Variants in LARGE1 observed in about 807,000 individuals in gnomAD.
LARGE1 encodes xylosyl- and glucuronyltransferase LARGE1.
LARGE1 carries 43 observed loss-of-function variants against 87.6 expected under a neutral mutation model. The observed-to-expected ratio is 0.49, with a 90% CI of 0.38 to 0.63. The LOEUF is 0.63. LARGE1 is among the 30% of genes least tolerant of loss of function. The pLI, the probability that LARGE1 is intolerant of heterozygous loss-of-function variation, is 0.00. For synonymous variants in LARGE1, 434 were observed against 394.6 expected (o/e 1.10, Z -1.18); for missense variants, 802 against 1,000.2 (o/e 0.80, Z 2.67).
At chr22:33,890,005 A>AT (rs1488350970) in intron 1 of LARGE1, among the ~76,000 whole-genome samples, 2 of 152,148 alleles carry the variant, frequency 1.3e-5, no homozygotes, top group African/African-American at 2.4e-5. Context: ...TCTGCCCCCC[A>AT]TAAGTGGGGA....
At chr22:33,568,615 A>G (rs2078098867) in intron 5 of LARGE1, among the ~76,000 whole-genome samples, 1 of 151,910 alleles carries the variant, frequency 6.6e-6, no homozygotes, top group Non-Finnish European at 1.5e-5. Context: ...AAAAATACAA[A>G]ATTAGCCGGG....
At chr22:33,433,188 T>A (rs151194790) in intron 6 of LARGE1, among the ~76,000 whole-genome samples, 2 of 152,358 alleles carry the variant, frequency 1.3e-5, no homozygotes, top group East Asian at 3.9e-4. Context: ...GGAGCTAGGA[T>A]AGACATCTAC....
chr22:33,538,018 C>A (rs1470804379), intron 6 of LARGE1, among the ~76,000 whole-genome samples: 1 of 152,200 alleles, frequency 6.6e-6, no homozygotes, highest in Non-Finnish European at 1.5e-5. Flanking sequence ...GTGCCCAACC[C>A]CTTGCAGGCC....
At chr22:33,560,205 C>T (rs993296297) in intron 6 of LARGE1, among the ~76,000 whole-genome samples, 3 of 152,182 alleles carry the variant, frequency 2.0e-5, no homozygotes, top group South Asian at 2.1e-4. Flanking sequence ...ACAGTAATCA[C>T]TTCATGGGAG....
chr22:33,222,177 C>A (rs1409876822), intron 11 of LARGE1, among the ~76,000 whole-genome samples: 1 of 152,170 alleles, frequency 6.6e-6, no homozygotes, highest in Non-Finnish European at 1.5e-5. Context: ...TAAAATACAT[C>A]TAAGAAAAAA....
At chr22:33,629,613 G>A (rs904537579) in intron 3 of LARGE1, among the ~76,000 whole-genome samples, 1 of 152,150 alleles carries the variant, frequency 6.6e-6, no homozygotes, top group Non-Finnish European at 1.5e-5. Context: ...AGTGGGGCAG[G>A]GGTTGGAGTG....
intron 5 of LARGE1, among the ~76,000 whole-genome samples, chr22:33,584,406 G>A (rs2078608646): frequency 6.6e-6 from 1 of 152,086 alleles, no homozygotes; most frequent in Non-Finnish European, 1.5e-5. Context: ...CCCTTTTTCT[G>A]TGAAGTCATC....
At chr22:33,448,756 C>T (rs1194916608) in intron 6 of LARGE1, among the ~76,000 whole-genome samples, 2 of 152,174 alleles carry the variant, frequency 1.3e-5, no homozygotes, top group Non-Finnish European at 2.9e-5. Flanking sequence ...TATTGAAGTA[C>T]CGTACAACTC....
At chr22:33,089,313 CTTTCTTCT>C in the LARGE1 span, among the ~76,000 whole-genome samples, 1 of 106,142 alleles carries the variant, frequency 9.4e-6, no homozygotes, top group Non-Finnish European at 2.2e-5. Context: ...TCTTCTTCTT[CTTTCTTCT>C]TTCTTCTTCT....
intron 9 of LARGE1, among the ~76,000 whole-genome samples, chr22:33,369,935 TAA>T (rs76332142): frequency 1.5e-3 from 208 of 142,950 alleles, no homozygotes; most frequent in African/African-American, 4.4e-3. Flanking sequence ...TAGCCAAGAT[TAA>T]AAAAAAAAAA....
intron 6 of LARGE1, among the ~76,000 whole-genome samples, chr22:33,472,486 C>A (rs889938096): frequency 6.6e-6 from 1 of 151,926 alleles, no homozygotes; most frequent in Non-Finnish European, 1.5e-5. Context: ...ATTTTGGAAA[C>A]CTCTGCAGGT....
intron 3 of LARGE1, among the ~76,000 whole-genome samples, chr22:33,634,994 T>C (rs1404422227): frequency 6.6e-6 from 1 of 151,978 alleles, no homozygotes. Context: ...GGCGGGCACC[T>C]GTAATCCCAG....
At chr22:33,520,066 G>A (rs1003874593) in intron 6 of LARGE1, among the ~76,000 whole-genome samples, 8 of 140,186 alleles carry the variant, frequency 5.7e-5, no homozygotes, top group South Asian at 2.3e-4. Flanking sequence ...GTGCGGTGGT[G>A]TGATCAGAGC....
intron 6 of LARGE1, among the ~76,000 whole-genome samples, chr22:33,436,911 A>C (rs1431058189): frequency 1.3e-5 from 2 of 152,112 alleles, no homozygotes; most frequent in East Asian, 3.9e-4. Context: ...GAAGGACTCT[A>C]AAGTTGAGTC....
chr22:33,103,200 G>A, the LARGE1 span, among the ~76,000 whole-genome samples: 10 of 151,966 alleles, frequency 6.6e-5, no homozygotes, highest in African/African-American at 2.4e-4. Context: ...TTGGGAGGCC[G>A]AGACGGGCGG....
chr22:33,570,242 C>G (rs1252062159), intron 5 of LARGE1, among the ~76,000 whole-genome samples: 1 of 152,136 alleles, frequency 6.6e-6, no homozygotes, highest in Non-Finnish European at 1.5e-5. Context: ...GCCCACTTCT[C>G]CTCTCAGTGA....
chr22:33,327,012 C>T (rs1327354717), intron 10 of LARGE1, among the ~76,000 whole-genome samples: 1 of 152,156 alleles, frequency 6.6e-6, no homozygotes, highest in Non-Finnish European at 1.5e-5. Flanking sequence ...TGGGTCTGTC[C>T]ATCCTGGGCT....
intron 11 of LARGE1, among the ~76,000 whole-genome samples, chr22:33,267,330 G>A (rs775446697): frequency 7.3e-5 from 11 of 151,680 alleles, no homozygotes; most frequent in Non-Finnish European, 1.2e-4. Flanking sequence ...CAGCGCCCAA[G>A]GGCTCCATTA....
intron 10 of LARGE1, among the ~76,000 whole-genome samples, chr22:33,333,843 G>A (rs1938061908): frequency 6.6e-6 from 1 of 152,200 alleles, no homozygotes; most frequent in Non-Finnish European, 1.5e-5. Flanking sequence ...CAGGGGCTGG[G>A]TGCAGTGGCT....
Sources: gnomAD v4.1 joint callset for allele counts (sites outside exome capture counted in the v4.1 genomes callset) on GRCh38, gnomAD v4.1.1 for gene constraint, MANE v1.5 for transcripts, NCBI Gene and HGNC (gene_info 2026-07-23, HGNC 2026-07-21) for gene names.